DNER: variants seen among roughly 807,000 people sequenced by gnomAD.
The protein encoded by DNER is delta/notch like EGF repeat containing.
In DNER, 33 loss-of-function variants were observed where a neutral mutation model predicts 78.2. The observed-to-expected ratio is 0.42, with a 90% confidence interval of 0.32 to 0.56. DNER has a LOEUF of 0.56. DNER is among the 20% of genes least tolerant of loss of function. The pLI is 0.11. For missense variants in DNER, 918 were observed against 975.3 expected (o/e 0.94, Z 0.78); for synonymous variants, 417 against 384.8 (o/e 1.08, Z -0.98).
At chr2:229,608,008 C>T (rs956472210) in intron 1 of DNER, among the ~76,000 whole-genome samples, 13 of 103,274 alleles carry the variant, frequency 1.3e-4, no homozygotes, top group Admixed American at 9.2e-4. Context: ...GGTGACAGAG[C>T]GAAACTCTGT....
chr2:229,536,797 C>G (rs1332520062), intron 5 of DNER, among the ~76,000 whole-genome samples: 1 of 152,180 alleles, frequency 6.6e-6, no homozygotes, highest in Admixed American at 6.5e-5. Flanking sequence ...AAATCTGTAG[C>G]AAATGAAGTG....
At chr2:229,683,619 A>AATGATGATGGTGACGATG (rs1421906264) in intron 1 of DNER, among the ~76,000 whole-genome samples, 7 of 152,206 alleles carry the variant, frequency 4.6e-5, no homozygotes, top group Non-Finnish European at 7.3e-5. Flanking sequence ...TGATGATGAC[A>AATGATGATGGTGACGATG]ATGATGATGG....
At chr2:229,696,431 T>C (rs553971466) in intron 1 of DNER, among the ~76,000 whole-genome samples, 14 of 152,344 alleles carry the variant, frequency 9.2e-5, no homozygotes, top group African/African-American at 3.4e-4. Context: ...CTGTTGCTTA[T>C]AATCTGGACG....
At chr2:229,588,344 T>C (rs1204315196) in intron 3 of DNER, 50 bp downstream of exon 3, 1 of 1,573,882 alleles carries the variant, frequency 6.4e-7, no homozygotes, top group Non-Finnish European at 8.7e-7. Flanking sequence ...CAACCCCACT[T>C]ATAGGTCATA....
intron 8 of DNER, among the ~76,000 whole-genome samples, chr2:229,440,818 A>G (rs962872043): frequency 6.6e-6 from 1 of 152,134 alleles, no homozygotes; most frequent in Non-Finnish European, 1.5e-5. Context: ...CCAACTGACA[A>G]CTGAACCCTG....
At chr2:229,467,614 C>T (rs116083733) in intron 7 of DNER, among the ~76,000 whole-genome samples, 5,377 of 152,174 alleles carry the variant, frequency 0.035, 128 homozygotes, top group Middle Eastern at 0.092. Flanking sequence ...TTTAGCTTCC[C>T]CCATTGTTGT....
chr2:229,418,250 G>A lies in DNER; in HGVS notation c.1487-20C>T, dbSNP rs1434286034. 3.1e-6 allele frequency: 5 copies of A among 1,613,266 alleles called. No individual in the cohort carries two copies. Among genetic ancestry groups the A allele is most frequent in the South Asian group, 2.2e-5 (2 of 91,048 alleles). Reference sequence around the variant, plus strand: ...GGTAACCTGAGGGACAGAGAGAAAGGCCCACTGTCAAATGCATCCCATTTA... The same window carrying A: ...GGTAACCTGAGGGACAGAGAGAAAGACCCACTGTCAAATGCATCCCATTTA... On this transcript the variant is annotated intron_variant, in intron 8 of 12. Coordinates refer to ENST00000341772, the MANE Select transcript of DNER (RefSeq NM_139072.4).
At position 229,500,228 on chromosome 2, in the gene DNER, C is replaced by T. The variant is rs566110714; in HGVS notation, c.1147+12555G>A. On this transcript the variant is annotated intron_variant, in intron 6 of 12. Transcript: ENST00000341772. ...GATTACAGGCGTGAGCCACCGTGCC[C>T]GGCCCTGAATAAGCTTTCTAAAGAA... 3.9e-5 allele frequency among the ~76,000 whole-genome samples: 6 copies of T among 152,228 alleles called. No homozygotes were observed. The East Asian group carries it at 5.8e-4, about 15-fold the overall frequency.
At chr2:229,579,078 T>G (rs1697350115) in intron 4 of DNER, among the ~76,000 whole-genome samples, 1 of 152,224 alleles carries the variant, frequency 6.6e-6, no homozygotes, top group African/African-American at 2.4e-5. Context: ...CACTAGTCCA[T>G]TTCTAGCACT....
At chr2:229,363,833 G>A (rs1005621666) in intron 12 of DNER, among the ~76,000 whole-genome samples, 4 of 152,118 alleles carry the variant, frequency 2.6e-5, no homozygotes, top group Non-Finnish European at 5.9e-5. Flanking sequence ...CGTAGCCATG[G>A]ATGCCTGTAG....
chr2:229,658,013 G>T (rs1338278548), intron 1 of DNER, among the ~76,000 whole-genome samples: 1 of 152,194 alleles, frequency 6.6e-6, no homozygotes, highest in African/African-American at 2.4e-5. Context: ...GATTAAAAAT[G>T]AAACAGTGAA....
intron 1 of DNER, among the ~76,000 whole-genome samples, chr2:229,691,111 G>C (rs962838005): frequency 6.6e-6 from 1 of 152,108 alleles, no homozygotes; most frequent in African/African-American, 2.4e-5. Flanking sequence ...GTTGTTTAAA[G>C]TACTTTGAAG....
intron 4 of DNER, among the ~76,000 whole-genome samples, chr2:229,559,516 C>T (rs989085759): frequency 2.6e-5 from 4 of 152,114 alleles, no homozygotes; most frequent in African/African-American, 7.2e-5. Flanking sequence ...GGAGGTCAGA[C>T]CTTTGGCAAC....
chr2:229,482,510 C>T (rs1033812526), intron 6 of DNER, among the ~76,000 whole-genome samples: 5 of 152,188 alleles, frequency 3.3e-5, no homozygotes, highest in African/African-American at 7.2e-5. Flanking sequence ...GTCCTGCCAC[C>T]GACCACCGTG....
At chr2:229,554,183 G>A (rs541862256) in intron 4 of DNER, among the ~76,000 whole-genome samples, 10 of 152,312 alleles carry the variant, frequency 6.6e-5, no homozygotes, top group African/African-American at 2.4e-4. Context: ...GGGAGCATCT[G>A]GAGACAGAAT....
intron 6 of DNER, among the ~76,000 whole-genome samples, chr2:229,502,503 A>G (rs1396245899): frequency 6.6e-6 from 1 of 152,160 alleles, no homozygotes; most frequent in Non-Finnish European, 1.5e-5. Context: ...GGCCCTGAAC[A>G]CAGCTGATGA....
chr2:229,500,714 A>T (rs2154211943), intron 6 of DNER, among the ~76,000 whole-genome samples: 1 of 152,166 alleles, frequency 6.6e-6, no homozygotes, highest in Admixed American at 6.5e-5. Flanking sequence ...TTTTTTCAAA[A>T]TTTCCATAGG....
intron 4 of DNER, among the ~76,000 whole-genome samples, chr2:229,582,181 A>G (rs1274540327): frequency 3.9e-5 from 6 of 152,260 alleles, no homozygotes; most frequent in Non-Finnish European, 7.3e-5. Context: ...GAGAGTCCAG[A>G]TTGTAAAAGT....
intron 1 of DNER, among the ~76,000 whole-genome samples, chr2:229,623,979 G>A (rs1335424586): frequency 6.6e-6 from 1 of 152,208 alleles, no homozygotes; most frequent in African/African-American, 2.4e-5. Context: ...AGCCATGGTG[G>A]GGCTTCACGG....
Sources: allele counts gnomAD v4.1 joint callset (sites outside exome capture counted in the v4.1 genomes callset), GRCh38; gene constraint gnomAD v4.1.1; transcripts MANE v1.5; gene names NCBI Gene and HGNC (gene_info 2026-07-23, HGNC 2026-07-21).